CARD10: variants seen among roughly 807,000 people sequenced by gnomAD.
CARD10 encodes the protein caspase recruitment domain-containing protein 10.
CARD10 carries 49 observed loss-of-function variants against 114.6 expected under a neutral mutation model. The ratio of observed to expected loss-of-function variants is 0.43; its 90% CI spans 0.34 to 0.54. The LOEUF (loss-of-function observed/expected upper bound fraction) is 0.54, where lower values mean the gene tolerates loss of function less well. Ranked by LOEUF, CARD10 falls within the 20% of genes least tolerant of loss-of-function variation. The probability of loss-of-function intolerance (pLI) is 0.03; values close to 1 mark genes in which losing one functional copy is unlikely to be tolerated. For missense variants in CARD10, 1,206 were observed against 1,397.2 expected (o/e 0.86, Z 2.18); for synonymous variants, 602 against 593.2 (o/e 1.01, Z -0.21).
In CARD10 at chr22:37,501,500, CTG is replaced by C. The variant is rs1923212711; in HGVS notation, c.1787+1100_1787+1101del. On this transcript the variant is annotated intron_variant, in intron 11 of 19. Transcript: ENST00000251973. This position sits in a 1 kb window ranked among gnomAD's most constrained non-coding sequence, Gnocchi z 5.4. Reference sequence around the variant, plus strand: ...GGTGGGGGCAGGGCCTGGACACTGGCTGACCAAGCCGCTCCGGAGGCCAGAGG... The same window carrying C: ...GGTGGGGGCAGGGCCTGGACACTGGCACCAAGCCGCTCCGGAGGCCAGAGG... Among the ~76,000 whole-genome samples the C allele has an allele frequency of 6.6e-6, 1 of 152,230 alleles. No homozygotes were observed. Among genetic ancestry groups the C allele is most frequent in the Non-Finnish European group, 1.5e-5 (1 of 68,030 alleles).
chr22:37,516,111 C>A lies in CARD10; in HGVS notation c.561G>T (p.Arg187=), dbSNP rs748581540. 2.5e-6 allele frequency: 4 copies of A among 1,595,780 alleles called. No individual in the cohort carries two copies. Among genetic ancestry groups the A allele is most frequent in the Non-Finnish European group, 2.6e-6 (3 of 1,171,734 alleles). The change falls in exon 3 of 20, where the codon CGG becomes CGT. Residue 187 remains arginine, a synonymous_variant. Coordinates refer to ENST00000251973, the MANE Select transcript of CARD10 (RefSeq NM_014550.4). The part of the protein sequence containing the change: ...DQQQAQERCQ[R]LREDWEAGSL... Reference sequence around the variant, plus strand: ...TGCCCGCCTCCCAGTCCTCCCGCAGCCGTTGACAGCGCTCCTGAGCCTGCT... The same window carrying A: ...TGCCCGCCTCCCAGTCCTCCCGCAGACGTTGACAGCGCTCCTGAGCCTGCT...
chr22:37,510,557 G>C, intron 3 of CARD10, 136 bp from the exon 4 acceptor site: 2 of 690,252 alleles, frequency 2.9e-6, no homozygotes, highest in East Asian at 2.7e-5. Flanking sequence ...TCCTCCCCAG[G>C]CTTGTCTATG....
chr22:37,493,901 C>A (rs1845566528), intron 16 of CARD10, among the ~76,000 whole-genome samples, 185 bp downstream of exon 16: 2 of 152,202 alleles, frequency 1.3e-5, no homozygotes, highest in African/African-American at 4.8e-5. Flanking sequence ...TCAACCTTGG[C>A]AATCACCATG....
chr22:37,499,977 G>A (rs1378010042), intron 11 of CARD10, among the ~76,000 whole-genome samples: 1 of 152,176 alleles, frequency 6.6e-6, no homozygotes, highest in Non-Finnish European at 1.5e-5. Flanking sequence ...CAGGTCACAG[G>A]CAGACAGGAA....
chr22:37,495,490 A>G, intron 15 of CARD10, 27 bp downstream of exon 15: 1 of 1,586,390 alleles, frequency 6.3e-7, no homozygotes, highest in Non-Finnish European at 8.6e-7. Context: ...GGGGCCCCCC[A>G]CCCACTACCT....
Position 37,518,949 on chromosome 22 carries a change from C to T in CARD10, c.235+17G>A, listed in dbSNP as rs1216800797. ...CGGCCGGCCCAGGTCGTGGCCCACTCGGGACCCGCGGCTCACCGGTGCGGT... is the reference window on the plus strand; with the variant it reads ...CGGCCGGCCCAGGTCGTGGCCCACTTGGGACCCGCGGCTCACCGGTGCGGT... On this transcript the variant is annotated intron_variant, in intron 1 of 19. Coordinates refer to ENST00000251973, the MANE Select transcript of CARD10 (RefSeq NM_014550.4). 6.6e-7 allele frequency: 1 copy of T among 1,513,592 alleles called. No individual in the cohort carries two copies. Among genetic ancestry groups the T allele is most frequent in the Non-Finnish European group, 8.8e-7 (1 of 1,130,572 alleles). 93.8% of individuals were successfully genotyped at this position (1,513,592 alleles called of 1,614,324 possible).
intron 1 of CARD10, 94 bp from the exon 2 acceptor site, chr22:37,518,202 TC>T: frequency 3.8e-6 from 5 of 1,308,238 alleles, no homozygotes; most frequent in Non-Finnish European, 4.2e-6. Context: ...AGGCCCACGT[TC>T]CCCAGATTTT....
intron 6 of CARD10, 125 bp from the exon 7 acceptor site, chr22:37,506,508 C>T (rs1378404912): frequency 3.3e-6 from 2 of 601,616 alleles, no homozygotes; most frequent in Non-Finnish European, 2.7e-6. Flanking sequence ...CACTGTGTGC[C>T]GGGCCCTGAG....
rs778727071 is a variant in CARD10, at chr22:37,506,283, T to C, written c.1292A>G (p.Asp431Gly). 6.2e-7 allele frequency: 1 copy of C among 1,610,114 alleles called. No homozygotes were observed. Among genetic ancestry groups the C allele is most frequent in the Non-Finnish European group, 8.5e-7 (1 of 1,178,306 alleles). Residue 431 changes from aspartate to glycine, a missense_variant, in exon 7 of 20, where the codon GAT becomes GGT. Physicochemically the swap from Asp to Gly is moderately conservative, Grantham distance 94 (BLOSUM62 -1). Transcript: ENST00000251973. ...KQVRGLEAER[D>G]ELLTTLTSLE... ...GCTGGTGAGCGTTGTCAGCAGCTCATCCCGCTCCGCCTCCAGGCCCCGCAC... is the reference window on the plus strand; with the variant it reads ...GCTGGTGAGCGTTGTCAGCAGCTCACCCCGCTCCGCCTCCAGGCCCCGCAC...
chr22:37,496,679 C>T lies in CARD10; in HGVS notation c.1948-119G>A, dbSNP rs1225939130. On this transcript the variant is annotated intron_variant, in intron 12 of 19. Transcript: ENST00000251973. This position sits in a 1 kb window ranked among gnomAD's most constrained non-coding sequence, Gnocchi z 4.1. ...ATGCCTCACAGTTCAGATAGCGCCC[C>T]CTCAGAAACTGCCATGCCCAGCCCA... 26 of 761,846 alleles carry T rather than the reference C, an allele frequency of 3.4e-5. No individual in the cohort carries two copies. The East Asian group carries it at 7.0e-4, about 21-fold the overall frequency. 47.2% of individuals were successfully genotyped at this position (761,846 alleles called of 1,614,324 possible).
chr22:37,500,906 T>C (rs1010670204), intron 11 of CARD10, among the ~76,000 whole-genome samples: 1 of 151,972 alleles, frequency 6.6e-6, no homozygotes, highest in Non-Finnish European at 1.5e-5. Flanking sequence ...CAAACCCCCA[T>C]AGTGACCCTA....
rs1423641751 is a variant in CARD10, at chr22:37,491,126, G to A, written c.*33C>T. 2 of 1,503,914 alleles carry A rather than the reference G, an allele frequency of 1.3e-6. No individual in the cohort carries two copies. Among genetic ancestry groups the A allele is most frequent in the South Asian group, 1.2e-5 (1 of 82,992 alleles). The allele number at this position is 1,503,914 out of a possible 1,614,324, so 93.2% of individuals were successfully genotyped here. On this transcript the variant is annotated 3_prime_UTR_variant, in exon 20 of 20. Coordinates refer to ENST00000251973, the MANE Select transcript of CARD10 (RefSeq NM_014550.4). ...ACCATAGACACCAGGGTCCACGCTGGCTTGGGGAGAAGGTGCAGGTATCAG... is the reference window on the plus strand; with the variant it reads ...ACCATAGACACCAGGGTCCACGCTGACTTGGGGAGAAGGTGCAGGTATCAG...
At position 37,518,188 on chromosome 22, in the gene CARD10, C is replaced by T. The variant is rs893899758; in HGVS notation, c.236-80G>A. 3 of 1,438,358 alleles carry T rather than the reference C, an allele frequency of 2.1e-6. No individual in the cohort carries two copies. The African/African-American group carries it at 4.2e-5, about 20-fold the overall frequency. 89.1% of individuals were successfully genotyped at this position (1,438,358 alleles called of 1,614,324 possible). A position where few individuals can be genotyped will look rare whatever the true frequency, so the allele number is the denominator to read the frequency against. ...CCTGGTTGCTTCTGCCCCCACCATG[C>T]TCCAGGCCCACGTTCCCCAGATTTT... On this transcript the variant is annotated intron_variant, in intron 1 of 19. Coordinates refer to ENST00000251973, the MANE Select transcript of CARD10 (RefSeq NM_014550.4).
chr22:37,491,430 G>A (rs748155931), intron 19 of CARD10, 37 bp from the exon 20 acceptor site: 28 of 1,381,384 alleles, frequency 2.0e-5, no homozygotes, highest in Admixed American at 2.6e-5. Context: ...CAAAGTGGGG[G>A]ACCAAGACAG....
At chr22:37,510,085 G>A (rs1923577303) in intron 4 of CARD10, 127 bp downstream of exon 4, 1 of 603,926 alleles carries the variant, frequency 1.7e-6, no homozygotes, top group Non-Finnish European at 2.7e-6. Context: ...CAGAAGCCCT[G>A]GCCCTGCTAC....
At chr22:37,518,249 C>T (rs1923907524) in intron 1 of CARD10, 141 bp from the exon 2 acceptor site, 1 of 744,916 alleles carries the variant, frequency 1.3e-6, no homozygotes, top group Non-Finnish European at 2.2e-6. Flanking sequence ...TGTCCCAACA[C>T]ATCAGGGAAG....
rs112765101 is a variant in CARD10, at chr22:37,510,036, G to A, written c.909+176C>T. Among the ~76,000 whole-genome samples, 472 of 112,334 alleles carry A rather than the reference G, an allele frequency of 4.2e-3. 21 individuals are homozygous for A. The highest frequency in any genetic ancestry group is 0.014 in the African/African-American group (445 of 32,394). 73.7% of individuals were successfully genotyped at this position (112,334 alleles called of 152,430 possible). A position where few individuals can be genotyped will look rare whatever the true frequency, so the allele number is the denominator to read the frequency against. On this transcript the variant is annotated intron_variant, in intron 4 of 19. Coordinates refer to ENST00000251973, the MANE Select transcript of CARD10 (RefSeq NM_014550.4). The stretch of plus-strand genomic sequence containing the variant: ...CCCATGGGCCCCAGCCCTGGTACCT[G>A]CTGCAGGCCCTCCTGAGCCCCGCTA...
intron 19 of CARD10, 131 bp downstream of exon 19, chr22:37,491,624 G>C (rs1255536610): frequency 3.9e-6 from 2 of 506,644 alleles, no homozygotes; most frequent in Non-Finnish European, 3.6e-6. Flanking sequence ...GGGAGGGAGA[G>C]AGGGGGAAGG....
intron 3 of CARD10, among the ~76,000 whole-genome samples, chr22:37,510,882 G>A (rs1217754243): frequency 6.6e-6 from 1 of 151,984 alleles, no homozygotes; most frequent in Non-Finnish European, 1.5e-5. Context: ...AGGAGTTTGA[G>A]ACCAGCCTGA....
Sources: gnomAD v4.1 joint callset for allele counts (sites outside exome capture counted in the v4.1 genomes callset) on GRCh38, gnomAD v4.1.1 for gene constraint, Gnocchi (gnomAD v3.1) non-coding constraint, MANE v1.5 for transcripts, NCBI Gene and HGNC (gene_info 2026-07-23, HGNC 2026-07-21) for gene names.